The following TRAP1 variants were observed in gnomAD, a reference collection of about 807,000 sequenced individuals.
TRAP1 encodes heat shock protein 75 kDa, mitochondrial.
Under a neutral mutation model 89.1 loss-of-function variants are expected in TRAP1, and 102 were observed. The ratio of observed to expected loss-of-function variants is 1.15; its 90% CI spans 0.98 to 1.35. The LOEUF is 1.35. Among genes scored for constraint, TRAP1 ranks in the 40% most tolerant of loss-of-function variants. The pLI, the probability that TRAP1 is intolerant of heterozygous loss-of-function variation, is 0.00. For missense variants in TRAP1, 1,256 were observed against 945.3 expected (o/e 1.33, Z -4.31); for synonymous variants, 508 against 388.0 (o/e 1.31, Z -3.64).
intron 16 of TRAP1, 187 bp from the exon 17 acceptor site, chr16:3,659,052 G>T (rs759461492): frequency 4.9e-6 from 3 of 608,156 alleles, no homozygotes; most frequent in East Asian, 3.0e-5. Flanking sequence ...AGAGAATCAG[G>T]AGTGTCAGTA....
chr16:3,710,069 A>G (rs2051507521), intron 1 of TRAP1, among the ~76,000 whole-genome samples: 1 of 152,258 alleles, frequency 6.6e-6, no homozygotes, highest in African/African-American at 2.4e-5. Flanking sequence ...CCTGTGTTCC[A>G]GAACCTGGTC....
At chr16:3,709,613 A>G (rs1285328265) in intron 1 of TRAP1, among the ~76,000 whole-genome samples, 1 of 152,060 alleles carries the variant, frequency 6.6e-6, no homozygotes, top group Non-Finnish European at 1.5e-5. Context: ...ACGGAAGATT[A>G]CACACGGTTC....
At chr16:3,694,520 AAG>A (rs1210134162) in intron 1 of TRAP1, among the ~76,000 whole-genome samples, 1 of 151,904 alleles carries the variant, frequency 6.6e-6, no homozygotes, top group African/African-American at 2.4e-5. Flanking sequence ...TTATTTTTAA[AAG>A]AGACATGGTT....
intron 6 of TRAP1, chr16:3,676,453 T>A (rs2074801): frequency 1.5e-5 from 3 of 199,300 alleles, no homozygotes; most frequent in East Asian, 1.3e-4. Flanking sequence ...CCTGGGGCAC[T>A]GTGGGGGACT....
At chr16:3,706,666 G>T (rs1228438050) in intron 1 of TRAP1, among the ~76,000 whole-genome samples, 3 of 151,790 alleles carry the variant, frequency 2.0e-5, no homozygotes, top group Admixed American at 2.0e-4. Flanking sequence ...TCACTATGTT[G>T]TCCAGGCTGG....
At chr16:3,659,125 C>T in intron 16 of TRAP1, 1 of 400,552 alleles carries the variant, frequency 2.5e-6, no homozygotes, top group Non-Finnish European at 4.5e-6. Context: ...ACAAAAGGAG[C>T]TTAGTACGTG....
intron 9 of TRAP1, among the ~76,000 whole-genome samples, chr16:3,673,044 AC>A (rs2050937095): frequency 6.9e-6 from 1 of 144,002 alleles, no homozygotes; most frequent in Non-Finnish European, 1.5e-5. Context: ...TCCCCAGCCC[AC>A]CCCCTAAGGA....
intron 12 of TRAP1, 131 bp from the exon 13 acceptor site, chr16:3,664,590 T>C: frequency 1.0e-6 from 1 of 969,294 alleles, no homozygotes; most frequent in Non-Finnish European, 1.5e-6. Flanking sequence ...CGAGGGACGG[T>C]AGTGGACTCG....
intron 5 of TRAP1, 34 bp downstream of exon 5, chr16:3,679,685 G>C (rs751336670): frequency 6.2e-6 from 10 of 1,612,106 alleles, no homozygotes; most frequent in South Asian, 2.2e-5. Context: ...ACCCTGAGGG[G>C]AAGGGGGAGG....
rs189951143 is a variant in TRAP1, at chr16:3,658,456, G to A, written c.2014-226C>T. ...TTTAAAACAGAATTTGGCTGGGCAC[G>A]GTGGCTCACGAGGTCAGGAGATTGA... On this transcript the variant is annotated intron_variant, in intron 17 of 17. Coordinates refer to ENST00000246957, the MANE Select transcript of TRAP1 (RefSeq NM_016292.3). The A allele has an allele frequency of 3.0e-4, 178 of 585,324 alleles. 1 individual carries two copies. The highest frequency in any genetic ancestry group is 4.6e-4 in the Non-Finnish European group (151 of 330,664). The allele number at this position is 585,324 out of a possible 1,614,324, so 36.3% of individuals were successfully genotyped here. A position where few individuals can be genotyped will look rare whatever the true frequency, so the allele number is the denominator to read the frequency against.
intron 4 of TRAP1, among the ~76,000 whole-genome samples, chr16:3,684,973 A>C (rs1168035461): frequency 6.6e-6 from 1 of 152,220 alleles, no homozygotes; most frequent in Non-Finnish European, 1.5e-5. Context: ...TCATTATTGT[A>C]ACATAAATGG....
In TRAP1 at chr16:3,664,357, T is replaced by C. The variant is rs1286949191; in HGVS notation, c.1486A>G (p.Asn496Asp). The change falls in exon 13 of 18, where the codon AAC (asparagine) becomes GAC (aspartate). Residue 496 changes from asparagine (N) to aspartate (D), a missense_variant. By Grantham distance (23) the Asn-to-Asp change is conservative. Transcript: ENST00000246957. ...YASRMRAGTRNIYYLCAPNRH... is the reference protein window; with the variant it reads ...YASRMRAGTRDIYYLCAPNRH... ...TTGGGGGCGCACAGGTAGTAGATGT[T>C]GCGGGTGCCGGCCCGCATGCGGCTG... 1 of 1,612,970 alleles carries C rather than the reference T, an allele frequency of 6.2e-7. No individual in the cohort carries two copies. The highest frequency in any genetic ancestry group is 1.7e-5 in the Admixed American group (1 of 59,858).
At chr16:3,690,648 G>A (rs1415692975) in intron 2 of TRAP1, among the ~76,000 whole-genome samples, 179 bp downstream of exon 2, 1 of 152,188 alleles carries the variant, frequency 6.6e-6, no homozygotes, top group African/African-American at 2.4e-5. Flanking sequence ...ACCCGACACT[G>A]GCAGAAGTCC....
rs376764847 is a variant in TRAP1, at chr16:3,688,117, G to A, written c.330+938C>T. On this transcript the variant is annotated intron_variant, in intron 3 of 17. Coordinates refer to ENST00000246957, the MANE Select transcript of TRAP1 (RefSeq NM_016292.3). ...CAGCAATAATCAGCATGTCAACGATGGTGGCCTTCATCTTTCTTTTTCCTT... is the reference window on the plus strand; with the variant it reads ...CAGCAATAATCAGCATGTCAACGATAGTGGCCTTCATCTTTCTTTTTCCTT... 2.6e-3 allele frequency among the ~76,000 whole-genome samples: 398 copies of A among 152,142 alleles called. 1 individual carries two copies. Among genetic ancestry groups the A allele is most frequent in the Non-Finnish European group, 4.1e-3 (279 of 68,004 alleles).
At chr16:3,672,902 T>C in intron 9 of TRAP1, 82 bp from the exon 10 acceptor site, 1 of 1,515,986 alleles carries the variant, frequency 6.6e-7, no homozygotes, top group Non-Finnish European at 8.8e-7. Context: ...GCGGACACGA[T>C]GAATCCAGAG....
At chr16:3,687,740 C>T (rs2051155626) in intron 3 of TRAP1, among the ~76,000 whole-genome samples, 2 of 151,806 alleles carry the variant, frequency 1.3e-5, no homozygotes, top group South Asian at 4.2e-4. Flanking sequence ...CAAATATCAG[C>T]CAGAGGCTGA....
chr16:3,690,679 G>T, intron 2 of TRAP1, 148 bp downstream of exon 2: 1 of 860,096 alleles, frequency 1.2e-6, no homozygotes. Flanking sequence ...CAGAAATGGA[G>T]GGCGCAGCAC....
At chr16:3,662,286 A>G (rs1346411219) in intron 15 of TRAP1, 154 bp from the exon 16 acceptor site, 1 of 914,158 alleles carries the variant, frequency 1.1e-6, no homozygotes, top group Non-Finnish European at 1.6e-6. Context: ...CCCATTACCC[A>G]CTAACTTGTG....
At chr16:3,711,680 G>A (rs1007379756) in intron 1 of TRAP1, among the ~76,000 whole-genome samples, 1 of 151,930 alleles carries the variant, frequency 6.6e-6, no homozygotes, top group South Asian at 2.1e-4. Context: ...AGTAGATACT[G>A]TTTCTCCAAG....
Sources: allele counts gnomAD v4.1 joint callset (sites outside exome capture counted in the v4.1 genomes callset), GRCh38; gene constraint gnomAD v4.1.1; transcripts MANE v1.5; gene names NCBI Gene and HGNC (gene_info 2026-07-23, HGNC 2026-07-21).